The following NBAS variants were observed in gnomAD, a reference collection of about 807,000 sequenced individuals.
NBAS encodes NAG/BC035112 fusion.
Under a neutral mutation model 302.5 loss-of-function variants are expected in NBAS, and 219 were observed. The ratio of observed to expected loss-of-function variants is 0.72; its 90% CI spans 0.65 to 0.81. The LOEUF (loss-of-function observed/expected upper bound fraction) is 0.81, where lower values mean the gene tolerates loss of function less well. Ranked by LOEUF, NBAS falls within the 30% of genes least tolerant of loss-of-function variation. The probability of loss-of-function intolerance (pLI) is 0.00; values close to 1 mark genes in which losing one functional copy is unlikely to be tolerated. For synonymous variants in NBAS, 1,118 were observed against 1,021.6 expected (o/e 1.09, Z -1.80); for missense variants, 2,932 against 2,841.6 (o/e 1.03, Z -0.72).
In NBAS at chr2:15,558,624, T is replaced by C. The variant is rs1342875028; in HGVS notation, c.128A>G (p.Asn43Ser). Residue 43 changes from asparagine (N) to serine (S), a missense_variant, in exon 2 of 52, where the codon AAC becomes AGC. By Grantham distance (46) the Asn-to-Ser change is conservative. Transcript: ENST00000281513. ...PPETEVQPRG[N>S]QKHGASFIIT... is the part of the protein sequence containing the mutation. ...GATAAAGGATGCACCATGTTTTTGG[T>C]TGCCTCTAGGCTGGAATTTAAAACA... 17 of 1,612,708 alleles carry C rather than the reference T, an allele frequency of 1.1e-5. No homozygotes were observed. Among genetic ancestry groups the C allele is most frequent in the Non-Finnish European group, 1.4e-5 (16 of 1,179,360 alleles).
At chr2:15,435,061 T>C (rs145185258) in intron 21 of NBAS, among the ~76,000 whole-genome samples, 1 of 152,240 alleles carries the variant, frequency 6.6e-6, no homozygotes, top group Non-Finnish European at 1.5e-5. Context: ...AGAACAAAGA[T>C]AAAAATATAT....
intron 44 of NBAS, among the ~76,000 whole-genome samples, chr2:15,271,964 T>G (rs962450800): frequency 6.6e-6 from 1 of 152,164 alleles, no homozygotes; most frequent in Non-Finnish European, 1.5e-5. Context: ...CTTTAAACAT[T>G]TGCTTCCTTT....
Position 15,478,297 on chromosome 2 carries a change from T to C in NBAS, c.1084-8A>G, listed in dbSNP as rs1425444546. ...AAGGTCATCATAGCCTGGCTAAATA[T>C]GAAAATAATGACTTCCTGAGTGAAC... On this transcript the variant is annotated splice_polypyrimidine_tract_variant and splice_region_variant and intron_variant, in intron 12 of 51. Transcript: ENST00000281513. 1.9e-6 allele frequency: 3 copies of C among 1,601,038 alleles called. 1 individual carries two copies. The highest frequency in any genetic ancestry group is 2.2e-5 in the South Asian group (2 of 90,788).
At chr2:14,902,144 T>C in the NBAS span, among the ~76,000 whole-genome samples, 1 of 152,200 alleles carries the variant, frequency 6.6e-6, no homozygotes, top group South Asian at 2.1e-4. Context: ...TCTCTTTCAT[T>C]TTTTTGAGAC....
chr2:15,509,710 A>T (rs1439665727), intron 10 of NBAS, among the ~76,000 whole-genome samples: 1 of 152,216 alleles, frequency 6.6e-6, no homozygotes, highest in Non-Finnish European at 1.5e-5. Flanking sequence ...TTTTTTGACA[A>T]ATTCATTATC....
intron 44 of NBAS, among the ~76,000 whole-genome samples, chr2:15,253,848 T>C (rs910687220): frequency 2.6e-5 from 4 of 152,228 alleles, no homozygotes. Flanking sequence ...GAGAAAATTA[T>C]GGCAGTGGGG....
the NBAS span, among the ~76,000 whole-genome samples, chr2:14,833,313 T>G: frequency 5.9e-5 from 9 of 151,878 alleles, no homozygotes; most frequent in Non-Finnish European, 1.3e-4. Context: ...CAGGGCAGGG[T>G]TGGGGGGTTC....
the NBAS span, among the ~76,000 whole-genome samples, chr2:15,085,715 A>C: frequency 6.6e-6 from 1 of 152,128 alleles, no homozygotes; most frequent in Non-Finnish European, 1.5e-5. Context: ...ATGCTCTTGT[A>C]TGCTCAGAAG....
chr2:14,787,508 G>A, the NBAS span, among the ~76,000 whole-genome samples: 5 of 152,134 alleles, frequency 3.3e-5, no homozygotes, highest in Admixed American at 3.3e-4. Context: ...CTCTTTTAGG[G>A]CAGGCCTGAT....
the NBAS span, among the ~76,000 whole-genome samples, chr2:15,075,352 G>T: frequency 6.6e-6 from 1 of 152,244 alleles, no homozygotes; most frequent in Admixed American, 6.5e-5. Flanking sequence ...GTGTCAACCT[G>T]CCCTCTGGCC....
intron 7 of NBAS, among the ~76,000 whole-genome samples, chr2:15,537,919 C>T (rs558132790): frequency 2.9e-4 from 44 of 152,314 alleles, no homozygotes; most frequent in African/African-American, 1.0e-3. Context: ...TCCTCCCAAT[C>T]ACCCCTGAAT....
chr2:15,299,382 T>C (rs1670694414), intron 40 of NBAS, among the ~76,000 whole-genome samples: 1 of 152,194 alleles, frequency 6.6e-6, no homozygotes, highest in South Asian at 2.1e-4. Context: ...GACAACAAAA[T>C]GCTCAATGAC....
chr2:15,415,926 A>G (rs1247250262), intron 24 of NBAS, among the ~76,000 whole-genome samples: 2 of 152,168 alleles, frequency 1.3e-5, no homozygotes, highest in African/African-American at 4.8e-5. Flanking sequence ...TACTGGGGCT[A>G]GTAGAGCTGA....
chr2:15,444,109 C>T (rs1678594201), intron 21 of NBAS, among the ~76,000 whole-genome samples: 1 of 151,818 alleles, frequency 6.6e-6, no homozygotes, highest in Non-Finnish European at 1.5e-5. Context: ...ATGCCATCCC[C>T]ATCAAGCTAC....
chr2:14,843,582 A>ACACACACAC, the NBAS span, among the ~76,000 whole-genome samples: 893 of 150,888 alleles, frequency 5.9e-3, 7 homozygotes, highest in African/African-American at 0.019. Context: ...ACACACACAC[A>ACACACACAC]AAAATACCTT....
the NBAS span, among the ~76,000 whole-genome samples, chr2:14,931,671 G>A: frequency 6.6e-6 from 1 of 152,148 alleles, no homozygotes; most frequent in Admixed American, 6.6e-5. Context: ...TGAGTACTCG[G>A]CACCATGAGC....
intron 25 of NBAS, among the ~76,000 whole-genome samples, chr2:15,414,705 G>C (rs966831603): frequency 5.9e-5 from 9 of 152,148 alleles, no homozygotes; most frequent in Non-Finnish European, 1.3e-4. Flanking sequence ...AGCACTTTAG[G>C]AGGCCGAGGC....
At chr2:14,787,008 G>A in the NBAS span, among the ~76,000 whole-genome samples, 6 of 152,136 alleles carry the variant, frequency 3.9e-5, no homozygotes, top group Non-Finnish European at 5.9e-5. Context: ...GAGTGCTCCC[G>A]TATTGGGTGC....
At chr2:15,068,109 G>A in the NBAS span, among the ~76,000 whole-genome samples, 1 of 152,296 alleles carries the variant, frequency 6.6e-6, no homozygotes, top group Middle Eastern at 3.4e-3. Flanking sequence ...GAGGAACTTT[G>A]GGATTAAGTG....
Sources: allele counts gnomAD v4.1 joint callset (sites outside exome capture counted in the v4.1 genomes callset), GRCh38; gene constraint gnomAD v4.1.1; transcripts MANE v1.5; gene names NCBI Gene and HGNC (gene_info 2026-07-23, HGNC 2026-07-21).